MDGA2: variants seen among roughly 807,000 people sequenced by gnomAD.
MDGA2 encodes the protein MAM domain-containing glycosylphosphatidylinositol anchor protein 2.
Under a neutral mutation model 117.8 loss-of-function variants are expected in MDGA2, and 40 were observed. That is an observed-to-expected ratio of 0.34 (90% confidence interval 0.26 to 0.44). The LOEUF (loss-of-function observed/expected upper bound fraction) is 0.44. Among genes scored for constraint, MDGA2 ranks in the 20% least tolerant of loss-of-function variants. The pLI is 1.00. For synonymous variants in MDGA2, 452 were observed against 439.0 expected (o/e 1.03, Z -0.37); for missense variants, 1,123 against 1,250.6 (o/e 0.90, Z 1.54).
intron 1 of MDGA2, among the ~76,000 whole-genome samples, chr14:47,405,736 G>A (rs992082552): frequency 6.6e-6 from 1 of 152,138 alleles, no homozygotes; most frequent in Admixed American, 6.5e-5. Context: ...AGCACTTGGG[G>A]CATGAAGGCA....
At chr14:47,671,278 A>C (rs1898069411) in intron 1 of MDGA2, among the ~76,000 whole-genome samples, 1 of 152,202 alleles carries the variant, frequency 6.6e-6, no homozygotes, top group Non-Finnish European at 1.5e-5. Context: ...AAACTTTTAC[A>C]CTTAAGTATT....
chr14:47,381,920 A>G (rs1472456813), intron 1 of MDGA2, among the ~76,000 whole-genome samples: 1 of 152,196 alleles, frequency 6.6e-6, no homozygotes, highest in Non-Finnish European at 1.5e-5. Flanking sequence ...CCTAAGCAAA[A>G]AGAACAAAGC....
At chr14:47,259,947 T>A (rs969749464) in intron 2 of MDGA2, among the ~76,000 whole-genome samples, 1 of 152,108 alleles carries the variant, frequency 6.6e-6, no homozygotes, top group Admixed American at 6.6e-5. Context: ...GGATATTTCA[T>A]ACATATTCAA....
intron 1 of MDGA2, among the ~76,000 whole-genome samples, chr14:47,455,895 G>C (rs552329415): frequency 6.6e-6 from 1 of 152,204 alleles, no homozygotes; most frequent in South Asian, 2.1e-4. Context: ...TACTCGGGAG[G>C]CTGAGACAGG....
chr14:47,578,746 C>T (rs955581553), intron 1 of MDGA2, among the ~76,000 whole-genome samples: 1 of 152,098 alleles, frequency 6.6e-6, no homozygotes, highest in African/African-American at 2.4e-5. Flanking sequence ...TAGTCAACAT[C>T]AGAAGTGTTT....
At chr14:46,994,825 G>A (rs1410409536) in intron 8 of MDGA2, among the ~76,000 whole-genome samples, 2 of 152,044 alleles carry the variant, frequency 1.3e-5, no homozygotes, top group Non-Finnish European at 2.9e-5. Flanking sequence ...TAATAACATA[G>A]GGTAGTGGAA....
intron 1 of MDGA2, among the ~76,000 whole-genome samples, chr14:47,602,434 AG>A (rs1896665228): frequency 6.6e-6 from 1 of 152,114 alleles, no homozygotes; most frequent in African/African-American, 2.4e-5. Context: ...TTTATTTTAC[AG>A]GGTGTTTACA....
intron 1 of MDGA2, chr14:47,343,226 TG>T: frequency 8.7e-7 from 1 of 1,143,566 alleles, no homozygotes; most frequent in South Asian, 1.8e-5. Flanking sequence ...TTTGTTTGTT[TG>T]TTTTTTTCAG....
At chr14:46,984,202 T>A (rs1886785380) in intron 8 of MDGA2, among the ~76,000 whole-genome samples, 1 of 151,970 alleles carries the variant, frequency 6.6e-6, no homozygotes, top group African/African-American at 2.4e-5. Context: ...AGTATTTCAT[T>A]TTCCTGGTAT....
intron 1 of MDGA2, among the ~76,000 whole-genome samples, chr14:47,330,224 C>G (rs1214327643): frequency 6.6e-6 from 1 of 151,718 alleles, no homozygotes; most frequent in Non-Finnish European, 1.5e-5. Context: ...TTTTGTATGT[C>G]AATTTGATTT....
At chr14:47,377,246 C>G (rs1467847914) in intron 1 of MDGA2, among the ~76,000 whole-genome samples, 1 of 152,082 alleles carries the variant, frequency 6.6e-6, no homozygotes, top group Non-Finnish European at 1.5e-5. Flanking sequence ...GGATTACAGT[C>G]ATTCCAAGAT....
chr14:47,175,135 T>G (rs1221001466), intron 3 of MDGA2, among the ~76,000 whole-genome samples: 5 of 151,454 alleles, frequency 3.3e-5, no homozygotes, highest in South Asian at 2.1e-4. Context: ...AATAACAGGC[T>G]CTGAAATTGT....
At chr14:47,257,310 A>T (rs908340772) in intron 2 of MDGA2, among the ~76,000 whole-genome samples, 1 of 152,096 alleles carries the variant, frequency 6.6e-6, no homozygotes, top group African/African-American at 2.4e-5. Context: ...ATCTCACCTC[A>T]GAGACCTTTC....
intron 1 of MDGA2, among the ~76,000 whole-genome samples, chr14:47,427,834 T>C (rs550378764): frequency 6.6e-6 from 1 of 152,264 alleles, no homozygotes; most frequent in Non-Finnish European, 1.5e-5. Flanking sequence ...TCAGTGCAGA[T>C]TGTGTGACAG....
At chr14:47,288,130 G>GC (rs548852490) in intron 2 of MDGA2, among the ~76,000 whole-genome samples, 42 of 152,148 alleles carry the variant, frequency 2.8e-4, no homozygotes, top group Non-Finnish European at 4.6e-4. Flanking sequence ...GTAATACAAG[G>GC]CACTATCACA....
chr14:47,341,224 T>A (rs1324131856), intron 1 of MDGA2, among the ~76,000 whole-genome samples: 1 of 152,170 alleles, frequency 6.6e-6, no homozygotes, highest in African/African-American at 2.4e-5. Flanking sequence ...GAATTTCACA[T>A]AATAGTGTTG....
intron 1 of MDGA2, among the ~76,000 whole-genome samples, chr14:47,626,015 G>C (rs1330362789): frequency 1.3e-5 from 2 of 152,120 alleles, no homozygotes; most frequent in Non-Finnish European, 2.9e-5. Flanking sequence ...CCTAGACCTA[G>C]AATCCTTTGC....
chr14:47,075,785 A>T (rs35747928), intron 6 of MDGA2, among the ~76,000 whole-genome samples: 49,744 of 151,728 alleles, frequency 0.33, 8,696 homozygotes, highest in East Asian at 0.52. Context: ...TATTTAAAAA[A>T]TTTTTTCTTA....
At chr14:47,167,788 A>G (rs889887661) in intron 3 of MDGA2, among the ~76,000 whole-genome samples, 11 of 152,170 alleles carry the variant, frequency 7.2e-5, no homozygotes, top group African/African-American at 2.2e-4. Context: ...ATGATATTTT[A>G]CTCTAAATAC....
Sources: allele counts gnomAD v4.1 joint callset (sites outside exome capture counted in the v4.1 genomes callset), GRCh38; gene constraint gnomAD v4.1.1; transcripts MANE v1.5; gene names NCBI Gene and HGNC (gene_info 2026-07-23, HGNC 2026-07-21).